The following RALGPS2 variants were observed in gnomAD, a reference collection of about 807,000 sequenced individuals.
RALGPS2 encodes the protein Ral GEF with PH domain and SH3 binding motif 2.
In RALGPS2, 43 loss-of-function variants were observed where a neutral mutation model predicts 86.8. The ratio of observed to expected loss-of-function variants is 0.50; its 90% CI spans 0.39 to 0.64. RALGPS2 has a LOEUF of 0.64. Among genes scored for constraint, RALGPS2 ranks in the 30% least tolerant of loss-of-function variants. The pLI, the probability that RALGPS2 is intolerant of heterozygous loss-of-function variation, is 0.00. For synonymous variants in RALGPS2, 243 were observed against 231.3 expected, an observed-to-expected ratio of 1.05 and a Z score of -0.46; for missense variants, 536 against 694.6, an observed-to-expected ratio of 0.77 and a Z score of 2.57.
intron 8 of RALGPS2, among the ~76,000 whole-genome samples, chr1:178,834,841 G>A (rs1388039481): frequency 1.3e-5 from 2 of 152,176 alleles, no homozygotes; most frequent in South Asian, 2.1e-4. Flanking sequence ...TCAGAAGTGC[G>A]ATCGCTGCTT....
intron 8 of RALGPS2, among the ~76,000 whole-genome samples, chr1:178,866,949 A>G (rs1658451646): frequency 6.6e-6 from 1 of 152,112 alleles, no homozygotes. Flanking sequence ...AGAATGGGTA[A>G]GGTATGTTCA....
intron 1 of RALGPS2, among the ~76,000 whole-genome samples, chr1:178,729,999 T>C (rs1341879897): frequency 1.3e-5 from 2 of 152,240 alleles, no homozygotes; most frequent in Non-Finnish European, 2.9e-5. Context: ...TGAAGTGCAG[T>C]GGTGCGATCT....
intron 1 of RALGPS2, among the ~76,000 whole-genome samples, chr1:178,755,138 T>G (rs1651885287): frequency 6.6e-6 from 1 of 152,214 alleles, no homozygotes; most frequent in East Asian, 1.9e-4. Context: ...ATTTCCTTTT[T>G]TCTTTTTATT....
chr1:178,852,809 G>T, intron 8 of RALGPS2: 1 of 1,613,890 alleles, frequency 6.2e-7, no homozygotes, highest in Non-Finnish European at 8.5e-7. Context: ...TCAGGTTCCA[G>T]ACGAAAGCTG....
intron 8 of RALGPS2, among the ~76,000 whole-genome samples, chr1:178,844,805 C>T (rs998692237): frequency 6.6e-6 from 1 of 152,096 alleles, no homozygotes; most frequent in African/African-American, 2.4e-5. Context: ...TTATATGAAA[C>T]ATCATAAATA....
intron 16 of RALGPS2, among the ~76,000 whole-genome samples, chr1:178,896,680 C>G (rs971277919): frequency 2.1e-5 from 3 of 144,866 alleles, no homozygotes; most frequent in African/African-American, 7.8e-5. Context: ...TCTCATTGTT[C>G]AATTCCCACC....
At chr1:178,861,086 A>T (rs1302636696) in intron 8 of RALGPS2, among the ~76,000 whole-genome samples, 1 of 152,186 alleles carries the variant, frequency 6.6e-6, no homozygotes, top group East Asian at 1.9e-4. Flanking sequence ...AGAAAACACA[A>T]ACTGGCAGTG....
intron 18 of RALGPS2, 51 bp downstream of exon 18, chr1:178,902,262 ATATG>A (rs754993062): frequency 5.2e-5 from 71 of 1,361,526 alleles, no homozygotes; most frequent in Middle Eastern, 1.8e-4. Flanking sequence ...GTGTTTGTGT[ATATG>A]TATGTATGTA....
rs528974627 is a variant in RALGPS2, at chr1:178,754,064, C to T, written c.-83-22618C>T. Reference sequence around the variant, plus strand: ...GTCTTGATATCCTGACCTCGTGATCCGCCCGCCTCGGCCTCCCAAAGTGCT... The same window carrying T: ...GTCTTGATATCCTGACCTCGTGATCTGCCCGCCTCGGCCTCCCAAAGTGCT... On this transcript the variant is annotated intron_variant, in intron 1 of 19. Coordinates refer to ENST00000367635, the MANE Select transcript of RALGPS2 (RefSeq NM_152663.5). 1.3e-3 allele frequency among the ~76,000 whole-genome samples: 192 copies of T among 151,894 alleles called. 1 individual carries two copies. The highest frequency in any genetic ancestry group is 4.2e-3 in the African/African-American group (175 of 41,440).
chr1:178,773,688 C>G (rs1348791147), intron 1 of RALGPS2, among the ~76,000 whole-genome samples: 1 of 151,182 alleles, frequency 6.6e-6, no homozygotes, highest in South Asian at 2.1e-4. Context: ...CCCAGCTACT[C>G]AGGAGGCTGA....
chr1:178,775,109 C>G (rs568182694), intron 1 of RALGPS2, among the ~76,000 whole-genome samples: 1 of 152,140 alleles, frequency 6.6e-6, no homozygotes, highest in East Asian at 1.9e-4. Context: ...ATCATTACAT[C>G]ATAGTAATAG....
Position 178,885,178 on chromosome 1 carries a change from A to G in RALGPS2, c.1007A>G (p.His336Arg), listed in dbSNP as rs1042167507. The G allele has an allele frequency of 1.7e-5, 27 of 1,613,824 alleles. No homozygotes were observed. The highest frequency in any genetic ancestry group is 8.0e-5 in the African/African-American group (6 of 75,050). The change falls in exon 12 of 20, where the codon CAT (histidine) becomes CGT (arginine). Residue 336 changes from histidine to arginine, a missense_variant. His to Arg is a conservative substitution (Grantham distance 29, BLOSUM62 0). This residue lies in a region of RALGPS2 where 309 missense variants were observed against 363.0 expected (regional missense o/e 0.85). Coordinates refer to ENST00000367635, the MANE Select transcript of RALGPS2 (RefSeq NM_152663.5). ...TPPSPRNLIPHGHRKCHSLGY... is the reference protein window; with the variant it reads ...TPPSPRNLIPRGHRKCHSLGY... ...CCATCCCCTCGGAATCTGATTCCAC[A>G]TGGACATAGGAAGTGCCATAGTTTG...
intron 8 of RALGPS2, among the ~76,000 whole-genome samples, chr1:178,844,899 G>T (rs1230535093): frequency 6.6e-6 from 1 of 151,982 alleles, no homozygotes; most frequent in Non-Finnish European, 1.5e-5. Context: ...GCATATTTTG[G>T]CTAGGTGCGG....
chr1:178,828,233 A>T (rs1221962963), intron 7 of RALGPS2, among the ~76,000 whole-genome samples: 3 of 152,246 alleles, frequency 2.0e-5, no homozygotes, highest in African/African-American at 7.2e-5. Context: ...ACAGTCATGC[A>T]TGGCTTAACA....
At chr1:178,843,663 AAAAAG>A (rs1182407326) in intron 8 of RALGPS2, among the ~76,000 whole-genome samples, 5 of 151,990 alleles carry the variant, frequency 3.3e-5, no homozygotes, top group African/African-American at 1.2e-4. Context: ...TTAAAAAAAA[AAAAAG>A]AAAGAAAGAA....
At position 178,828,766 on chromosome 1, in the gene RALGPS2, A is replaced by G. The variant is rs566031371; in HGVS notation, c.481-4658A>G. Among the ~76,000 whole-genome samples, 17 of 152,340 alleles carry G rather than the reference A, an allele frequency of 1.1e-4. No homozygotes were observed. The East Asian group carries it at 2.9e-3, about 26-fold the overall frequency. Reference sequence around the variant, plus strand: ...ATAGCTGTTATCAAAAAGCCAAAAGATAACTAACGAGTTTTGGTAAAGATG... The same window carrying G: ...ATAGCTGTTATCAAAAAGCCAAAAGGTAACTAACGAGTTTTGGTAAAGATG... On this transcript the variant is annotated intron_variant, in intron 7 of 19. Coordinates refer to ENST00000367635, the MANE Select transcript of RALGPS2 (RefSeq NM_152663.5).
In RALGPS2 at chr1:178,787,785, C is replaced by A. The variant is rs75495510; in HGVS notation, c.213+2178C>A. On this transcript the variant is annotated intron_variant, in intron 4 of 19. Transcript: ENST00000367635. The stretch of plus-strand genomic sequence containing the variant: ...ATCCAGTCTATCTCTACTCCCAACA[C>A]CCCAATGTAAAATACTGTCTTCTCT... 7.9e-3 allele frequency among the ~76,000 whole-genome samples: 1,202 copies of A among 152,252 alleles called. 16 individuals are homozygous for A. The highest frequency in any genetic ancestry group is 0.027 in the African/African-American group (1,141 of 41,548).
In RALGPS2 at chr1:178,919,272, G is replaced by GT. The variant is rs1260301166; in HGVS notation, c.*2916dup. The GT allele has an allele frequency of 1.3e-5, 2 of 152,012 alleles. No homozygotes were observed. Among genetic ancestry groups the GT allele is most frequent in the Non-Finnish European group, 2.9e-5 (2 of 67,920 alleles). 9.4% of individuals were successfully genotyped at this position (152,012 alleles called of 1,614,324 possible). On this transcript the variant is annotated 3_prime_UTR_variant, in exon 20 of 20. Transcript: ENST00000367635. ...ACAAAAAGGGATCCAAACAATTTGA[G>GT]TTTCAGTATTTTTTTCTCCCTAGGC...
intron 1 of RALGPS2, among the ~76,000 whole-genome samples, chr1:178,762,995 T>G (rs1335857215): frequency 1.3e-5 from 2 of 152,204 alleles, no homozygotes; most frequent in Admixed American, 1.3e-4. Context: ...AAGTCTTTAC[T>G]CCATCTTGAG....
Sources: allele counts gnomAD v4.1 joint callset (sites outside exome capture counted in the v4.1 genomes callset), GRCh38; gene constraint gnomAD v4.1.1; regional missense constraint gnomAD v4.1.1; transcripts MANE v1.5; gene names NCBI Gene and HGNC (gene_info 2026-07-23, HGNC 2026-07-21).